KIAA1217: variants seen among roughly 807,000 people sequenced by gnomAD.
KIAA1217 encodes sickle tail protein homolog.
KIAA1217 carries 88 observed loss-of-function variants against 163.9 expected under a neutral mutation model. The ratio of observed to expected loss-of-function variants is 0.54; its 90% CI spans 0.45 to 0.64. The LOEUF (loss-of-function observed/expected upper bound fraction) is 0.64. Ranked by LOEUF, KIAA1217 falls within the 30% of genes least tolerant of loss-of-function variation. The pLI, the probability that KIAA1217 is intolerant of heterozygous loss-of-function variation, is 0.00. For missense variants in KIAA1217, 2,372 were observed against 2,475.0 expected, an observed-to-expected ratio of 0.96 and a Z score of 0.88; for synonymous variants, 903 against 923.1, an observed-to-expected ratio of 0.98 and a Z score of 0.39.
intron 2 of KIAA1217, among the ~76,000 whole-genome samples, chr10:24,013,329 A>G (rs1847326344): frequency 6.6e-6 from 1 of 151,776 alleles, no homozygotes; most frequent in Non-Finnish European, 1.5e-5. Context: ...ATCAAAATAT[A>G]TATATTGAAT....
At chr10:24,273,254 C>G (rs1366868392) in intron 2 of KIAA1217, among the ~76,000 whole-genome samples, 1 of 152,172 alleles carries the variant, frequency 6.6e-6, no homozygotes, top group African/African-American at 2.4e-5. Context: ...CTCTTATTAA[C>G]ATTTGCAAAG....
intron 1 of KIAA1217, among the ~76,000 whole-genome samples, chr10:23,970,179 G>A (rs939867918): frequency 2.6e-5 from 4 of 152,144 alleles, no homozygotes; most frequent in African/African-American, 9.7e-5. Flanking sequence ...TATCATGTGT[G>A]CTTTTGTTCT....
At chr10:23,802,512 C>T (rs1041797860) in intron 1 of KIAA1217, among the ~76,000 whole-genome samples, 10 of 152,264 alleles carry the variant, frequency 6.6e-5, no homozygotes, top group African/African-American at 2.2e-4. Context: ...ATTGACTTGA[C>T]CTATGGCATA....
At chr10:24,517,592 C>CCTTCTT (rs929420276) in intron 10 of KIAA1217, among the ~76,000 whole-genome samples, 1 of 152,180 alleles carries the variant, frequency 6.6e-6, no homozygotes, top group African/African-American at 2.4e-5. Flanking sequence ...TTGTTCTTCT[C>CCTTCTT]CTTCTTCTTC....
In KIAA1217 at chr10:24,495,272, T is replaced by C. The variant is rs377251669; in HGVS notation, c.1834+76T>C. 28 of 1,178,704 alleles carry C rather than the reference T, an allele frequency of 2.4e-5. No homozygotes were observed. In the Middle Eastern group the frequency reaches 1.6e-3, roughly 67 times the overall value. 73.0% of individuals were successfully genotyped at this position (1,178,704 alleles called of 1,614,324 possible). On this transcript the variant is annotated intron_variant, in intron 8 of 20. Transcript: ENST00000376454. The stretch of plus-strand genomic sequence containing the variant: ...AGCCCTGGCTGGTCTCAGAAATGTT[T>C]AACATTTCCCTAAGTCACGTATTTG...
intron 9 of KIAA1217, among the ~76,000 whole-genome samples, chr10:24,510,635 C>T (rs1328337820): frequency 6.6e-6 from 1 of 152,192 alleles, no homozygotes; most frequent in Admixed American, 6.5e-5. Context: ...CCTGTCATCA[C>T]TCATTCCCGC....
intron 1 of KIAA1217, among the ~76,000 whole-genome samples, chr10:23,824,160 C>G (rs1837758638): frequency 6.6e-6 from 1 of 151,980 alleles, no homozygotes; most frequent in African/African-American, 2.4e-5. Flanking sequence ...ATGGTCCCAG[C>G]TACTTGGGAG....
chr10:24,396,028 C>A (rs1015881211), intron 3 of KIAA1217, among the ~76,000 whole-genome samples: 1 of 152,142 alleles, frequency 6.6e-6, no homozygotes, highest in Non-Finnish European at 1.5e-5. Context: ...CCAATGCCAG[C>A]AATGATTCTT....
At chr10:23,975,818 G>A (rs949331069) in intron 1 of KIAA1217, among the ~76,000 whole-genome samples, 1 of 152,012 alleles carries the variant, frequency 6.6e-6, no homozygotes, top group East Asian at 1.9e-4. Context: ...TGTTACAATG[G>A]ACCCCATGTG....
intron 2 of KIAA1217, among the ~76,000 whole-genome samples, chr10:24,159,295 T>TA (rs1195535841): frequency 6.6e-6 from 1 of 152,220 alleles, no homozygotes; most frequent in African/African-American, 2.4e-5. Flanking sequence ...AGCATTCTTT[T>TA]AAAAAAACCT....
At chr10:23,885,377 T>G (rs1348487512) in intron 1 of KIAA1217, among the ~76,000 whole-genome samples, 1 of 151,900 alleles carries the variant, frequency 6.6e-6, no homozygotes, top group Non-Finnish European at 1.5e-5. Flanking sequence ...TTATGTATCC[T>G]ACAGGACTGA....
intron 1 of KIAA1217, among the ~76,000 whole-genome samples, chr10:23,752,312 C>T (rs1192184247): frequency 1.3e-5 from 2 of 152,118 alleles, no homozygotes; most frequent in South Asian, 2.1e-4. Flanking sequence ...GTTCCTGAGA[C>T]ATTTACATTT....
intron 2 of KIAA1217, among the ~76,000 whole-genome samples, chr10:24,370,997 C>T (rs1319386164): frequency 1.3e-5 from 2 of 152,224 alleles, no homozygotes; most frequent in East Asian, 3.8e-4. Context: ...AGACTTGGAA[C>T]TTACCGATGA....
chr10:24,292,730 G>C (rs953543480), intron 2 of KIAA1217, among the ~76,000 whole-genome samples: 1 of 152,118 alleles, frequency 6.6e-6, no homozygotes, highest in Non-Finnish European at 1.5e-5. Flanking sequence ...GATTGACATG[G>C]GCTGTTTCAA....
chr10:23,747,811 T>C (rs920767349), intron 1 of KIAA1217, among the ~76,000 whole-genome samples: 5 of 152,204 alleles, frequency 3.3e-5, no homozygotes, highest in Non-Finnish European at 7.3e-5. Flanking sequence ...CTGTGACTGA[T>C]ACGTGATGAA....
At chr10:23,719,009 A>C (rs1459595452) in intron 1 of KIAA1217, among the ~76,000 whole-genome samples, 2 of 152,238 alleles carry the variant, frequency 1.3e-5, no homozygotes, top group African/African-American at 4.8e-5. Flanking sequence ...AAGCATCCTT[A>C]AACATGGTAT....
At chr10:24,143,092 C>T (rs930620267) in intron 2 of KIAA1217, among the ~76,000 whole-genome samples, 3 of 152,084 alleles carry the variant, frequency 2.0e-5, no homozygotes, top group African/African-American at 7.2e-5. Context: ...TGTAGTTTAC[C>T]TTAGTTGAAA....
intron 5 of KIAA1217, among the ~76,000 whole-genome samples, chr10:24,458,450 A>G (rs1178949259): frequency 6.6e-6 from 1 of 152,142 alleles, no homozygotes; most frequent in Non-Finnish European, 1.5e-5. Flanking sequence ...CTCAATACAG[A>G]TGGACCTGAT....
At chr10:23,893,758 A>C (rs1258228947) in intron 1 of KIAA1217, among the ~76,000 whole-genome samples, 4 of 151,896 alleles carry the variant, frequency 2.6e-5, no homozygotes, top group South Asian at 4.2e-4. Context: ...CTGGCAAACC[A>C]AATCCAGCAG....
Sources: gnomAD v4.1 joint callset for allele counts (sites outside exome capture counted in the v4.1 genomes callset) on GRCh38, gnomAD v4.1.1 for gene constraint, MANE v1.5 for transcripts, NCBI Gene and HGNC (gene_info 2026-07-23, HGNC 2026-07-21) for gene names.